SNX3: variants seen among roughly 807,000 people sequenced by gnomAD.
The protein encoded by SNX3 is sorting nexin 3, also known as sorting nexin-3.
A neutral mutation model predicts 17.7 loss-of-function variants in SNX3; 5 were observed. The ratio of observed to expected loss-of-function variants is 0.28; its 90% confidence interval spans 0.15 to 0.59. The LOEUF is 0.59. SNX3 is among the 20% of genes least tolerant of loss of function. The probability of loss-of-function intolerance (pLI) is 0.88; values close to 1 mark genes in which losing one functional copy is unlikely to be tolerated. For missense variants in SNX3, 132 were observed against 206.8 expected (o/e 0.64, Z 2.22); for synonymous variants, 91 against 76.5 (o/e 1.19, Z -0.99).
intron 2 of SNX3, among the ~76,000 whole-genome samples, chr6:108,221,787 C>T (rs1413572713): frequency 1.3e-5 from 2 of 152,106 alleles, no homozygotes; most frequent in Non-Finnish European, 2.9e-5. Context: ...TTAAGTGATC[C>T]ACCCACGTTG....
intron 1 of SNX3, among the ~76,000 whole-genome samples, chr6:108,251,807 A>T (rs1276455701): frequency 6.6e-6 from 1 of 152,192 alleles, no homozygotes; most frequent in East Asian, 1.9e-4. Flanking sequence ...GCGGTGGCTC[A>T]TGCCTGTATT....
intron 1 of SNX3, among the ~76,000 whole-genome samples, chr6:108,257,644 T>C (rs1776069606): frequency 6.6e-6 from 1 of 152,218 alleles, no homozygotes; most frequent in Non-Finnish European, 1.5e-5. Context: ...TATGGTGTCC[T>C]TAGTTTTAAG....
Position 108,223,048 on chromosome 6 carries a change from G to GAAAA in SNX3, c.163-4_163-3insTTTT. ...AGCTTGAAAATAGGAAGATTTGTCT[G>GAAAA]AAACAAAAAAAGTTAGTCCTAAATT... On this transcript the variant is annotated splice_region_variant and splice_polypyrimidine_tract_variant and intron_variant, in intron 1 of 3. Coordinates refer to ENST00000230085, the MANE Select transcript of SNX3 (RefSeq NM_003795.6). The GAAAA allele has an allele frequency of 6.4e-7, 1 of 1,567,552 alleles. No individual in the cohort carries two copies. The highest frequency in any genetic ancestry group is 1.7e-5 in the Admixed American group (1 of 57,482).
chr6:108,214,448 A>T (rs1774502757), intron 3 of SNX3, 50 bp downstream of exon 3: 2 of 1,578,224 alleles, frequency 1.3e-6, no homozygotes, highest in Non-Finnish European at 1.7e-6. Context: ...TCTAAACTAC[A>T]AGTAGTCACT....
chr6:108,249,016 T>C (rs1775771365), intron 1 of SNX3, among the ~76,000 whole-genome samples: 1 of 152,162 alleles, frequency 6.6e-6, no homozygotes, highest in Admixed American at 6.5e-5. Context: ...AAATTATTTA[T>C]ACAACTGCAC....
At chr6:108,256,391 A>C (rs921325672) in intron 1 of SNX3, among the ~76,000 whole-genome samples, 34 of 152,388 alleles carry the variant, frequency 2.2e-4, no homozygotes, top group African/African-American at 8.2e-4. Flanking sequence ...ATTAACACAC[A>C]GAAAATGTAG....
intron 1 of SNX3, among the ~76,000 whole-genome samples, chr6:108,237,561 G>A (rs577089611): frequency 5.0e-4 from 76 of 152,218 alleles, no homozygotes; most frequent in African/African-American, 1.5e-3. Flanking sequence ...CGAGGCAGGC[G>A]GATCGATCAC....
intron 1 of SNX3, among the ~76,000 whole-genome samples, chr6:108,224,826 CAT>C (rs1491340759): frequency 6.6e-6 from 1 of 152,142 alleles, no homozygotes; most frequent in East Asian, 1.9e-4. Flanking sequence ...GAACTGAAAA[CAT>C]AACACCCAGT....
intron 2 of SNX3, among the ~76,000 whole-genome samples, chr6:108,220,894 T>C (rs991068638): frequency 1.3e-5 from 2 of 151,844 alleles, no homozygotes; most frequent in Admixed American, 6.6e-5. Flanking sequence ...GGCAGGAGAA[T>C]TGCTTGAACC....
At chr6:108,229,077 C>G (rs1775057741) in intron 1 of SNX3, among the ~76,000 whole-genome samples, 2 of 151,658 alleles carry the variant, frequency 1.3e-5, no homozygotes, top group Admixed American at 1.3e-4. Flanking sequence ...CTGGCCAATA[C>G]AGTGAAACCC....
At chr6:108,220,125 A>G (rs1302452167) in intron 2 of SNX3, among the ~76,000 whole-genome samples, 1 of 152,196 alleles carries the variant, frequency 6.6e-6, no homozygotes, top group Non-Finnish European at 1.5e-5. Flanking sequence ...TCAAAAAGTT[A>G]AAGTAAAAAG....
chr6:108,246,635 CT>C (rs200384200), intron 1 of SNX3, among the ~76,000 whole-genome samples: 2 of 150,932 alleles, frequency 1.3e-5, no homozygotes, highest in East Asian at 2.0e-4. Flanking sequence ...TCCTGCCTCC[CT>C]TTTTTTTTCT....
intron 2 of SNX3, among the ~76,000 whole-genome samples, chr6:108,216,601 G>T (rs150240665): frequency 1.3e-5 from 2 of 152,198 alleles, no homozygotes; most frequent in African/African-American, 4.8e-5. Flanking sequence ...CAAACAATCA[G>T]AACAAGGAGA....
At chr6:108,222,832 G>C (rs566363538) in intron 2 of SNX3, 118 bp downstream of exon 2, 3 of 703,720 alleles carry the variant, frequency 4.3e-6, no homozygotes, top group Non-Finnish European at 7.3e-6. Context: ...TGAACTATTT[G>C]AAAAAAAGAA....
At chr6:108,256,375 C>G (rs1156697661) in intron 1 of SNX3, among the ~76,000 whole-genome samples, 1 of 152,210 alleles carries the variant, frequency 6.6e-6, no homozygotes. Context: ...AGTAACTCAA[C>G]TAAACATTAA....
At chr6:108,244,972 G>T (rs1242518026) in intron 1 of SNX3, among the ~76,000 whole-genome samples, 1 of 152,036 alleles carries the variant, frequency 6.6e-6, no homozygotes, top group Non-Finnish European at 1.5e-5. Flanking sequence ...TTAGTTCTGG[G>T]ATACACGTGC....
At chr6:108,255,553 C>T (rs1434282009) in intron 1 of SNX3, among the ~76,000 whole-genome samples, 3 of 152,084 alleles carry the variant, frequency 2.0e-5, no homozygotes, top group Non-Finnish European at 2.9e-5. Context: ...GGTCTCACTG[C>T]GTTGCCCAGG....
At chr6:108,212,315 A>T (rs1699453142) in intron 3 of SNX3, 61 bp from the exon 4 acceptor site, 2 of 1,145,084 alleles carry the variant, frequency 1.7e-6, no homozygotes, top group Non-Finnish European at 2.5e-6. Flanking sequence ...AGTTCAAAAC[A>T]CATATTTTAA....
At chr6:108,224,239 G>A (rs1774908840) in intron 1 of SNX3, among the ~76,000 whole-genome samples, 1 of 152,124 alleles carries the variant, frequency 6.6e-6, no homozygotes. Flanking sequence ...GGGTAGCTGG[G>A]ACTGCAGGGT....
Sources: gnomAD v4.1 joint callset for allele counts (sites outside exome capture counted in the v4.1 genomes callset) on GRCh38, gnomAD v4.1.1 for gene constraint, MANE v1.5 for transcripts, NCBI Gene and HGNC (gene_info 2026-07-23, HGNC 2026-07-21) for gene names.